The following JAKMIP3 variants were observed in gnomAD, a reference collection of about 807,000 sequenced individuals.
JAKMIP3 encodes the protein janus kinase and microtubule-interacting protein 3.
In JAKMIP3, 58 loss-of-function variants were observed where a neutral mutation model predicts 118.5. The observed-to-expected ratio is 0.49, with a 90% CI of 0.40 to 0.61. JAKMIP3 has a LOEUF of 0.61. Ranked by LOEUF, JAKMIP3 falls within the 20% of genes least tolerant of loss-of-function variation. The pLI is 0.00. For missense variants in JAKMIP3, 950 were observed against 1,109.0 expected (o/e 0.86, Z 2.04); for synonymous variants, 486 against 451.2 (o/e 1.08, Z -0.98).
At chr10:132,071,093 T>C (rs1228248538) in intron 1 of JAKMIP3, among the ~76,000 whole-genome samples, 1 of 152,176 alleles carries the variant, frequency 6.6e-6, no homozygotes, top group African/African-American at 2.4e-5. Context: ...TTCTTGTATT[T>C]TCATTCAGTT....
chr10:132,180,055 A>G (rs2814166), intron 23 of JAKMIP3, among the ~76,000 whole-genome samples: 135,450 of 152,220 alleles, frequency 0.89, 60,563 homozygotes, highest in East Asian at 1. Context: ...TGCGCCCCCC[A>G]CCCACTAACA....
chr10:132,149,146 G>A (rs929640109), intron 14 of JAKMIP3, among the ~76,000 whole-genome samples: 1 of 152,112 alleles, frequency 6.6e-6, no homozygotes, highest in Non-Finnish European at 1.5e-5. Flanking sequence ...GCTCAGGGTG[G>A]GACTGCCCAG....
chr10:132,150,117 C>CTGGCAGGGCCT, intron 16 of JAKMIP3, 76 bp downstream of exon 16: 1 of 1,205,118 alleles, frequency 8.3e-7, no homozygotes, highest in Non-Finnish European at 1.2e-6. Context: ...GTCCAGGAGG[C>CTGGCAGGGCCT]CCTGCCAGCC....
At chr10:132,047,902 C>T (rs2037973259) in intron 1 of JAKMIP3, among the ~76,000 whole-genome samples, 1 of 151,774 alleles carries the variant, frequency 6.6e-6, no homozygotes, top group African/African-American at 2.4e-5. Flanking sequence ...GCTGACGGTG[C>T]ATGGAGCTGG....
chr10:132,147,813 A>G (rs1276299380), intron 13 of JAKMIP3, 139 bp from the exon 14 acceptor site: 1 of 596,380 alleles, frequency 1.7e-6, no homozygotes, highest in South Asian at 2.0e-5. Flanking sequence ...GAGGGCTGTG[A>G]GGCGCTTCCA....
intron 23 of JAKMIP3, among the ~76,000 whole-genome samples, chr10:132,172,925 G>GCTTCCCGCCTTCCCTCTCTA (rs1255933106): frequency 6.7e-6 from 1 of 149,152 alleles, no homozygotes; most frequent in African/African-American, 2.5e-5. Context: ...ACACACCTGT[G>GCTTCCCGCCTTCCCTCTCTA]CTTCCCGCCT....
intron 1 of JAKMIP3, among the ~76,000 whole-genome samples, chr10:132,058,650 G>A (rs771961364): frequency 1.3e-5 from 2 of 152,214 alleles, no homozygotes; most frequent in Admixed American, 6.5e-5. Flanking sequence ...CTGGTTACAC[G>A]TGTGTGAGGA....
Position 132,149,116 on chromosome 10 carries a change from A to T in JAKMIP3, c.1849-296A>T, listed in dbSNP as rs532046933. 2.6e-5 allele frequency among the ~76,000 whole-genome samples: 4 copies of T among 152,084 alleles called. No homozygotes were observed. In the East Asian group the frequency reaches 7.8e-4, roughly 30 times the overall value. On this transcript the variant is annotated intron_variant, in intron 14 of 23. Transcript: ENST00000684848. Reference sequence around the variant, plus strand: ...ATCCTCCCCATAGCCCCTGGGATTCACTGAGGGATGTGCCCGTGGGCTCAG... The same window carrying T: ...ATCCTCCCCATAGCCCCTGGGATTCTCTGAGGGATGTGCCCGTGGGCTCAG...
At chr10:132,078,620 G>T (rs1427038564) in intron 1 of JAKMIP3, among the ~76,000 whole-genome samples, 1 of 5,794 alleles carries the variant, frequency 1.7e-4, no homozygotes, top group Non-Finnish European at 2.3e-4. Context: ...CTCTGGGGGC[G>T]GGGGGGGGGG....
rs578214779 is a variant in JAKMIP3 at position 132,070,887 on chromosome 10, T to C, written c.-138+4826T>C. Among the ~76,000 whole-genome samples, 14 of 152,336 alleles carry C rather than the reference T, an allele frequency of 9.2e-5. No homozygotes were observed. In the South Asian group the frequency reaches 2.9e-3, roughly 32 times the overall value. ...GCGCTGGGCTTGCAGCTCCCATCCA[T>C]GCAGAAGGATCTCTATTATTTCTAT... On this transcript the variant is annotated intron_variant, in intron 1 of 23. Coordinates refer to ENST00000684848, the MANE Select transcript of JAKMIP3 (RefSeq NM_001323087.2).
In JAKMIP3 at chr10:132,111,035, C is replaced by G. The variant is rs115299628; in HGVS notation, c.136-6042C>G. On this transcript the variant is annotated intron_variant, in intron 2 of 23. Transcript: ENST00000684848. ...CGCCCTCCTGCAGGCTGAGCCCCAA[C>G]TCTTGGAACTGTACCCTGGATGAGG... 2.1e-3 allele frequency among the ~76,000 whole-genome samples: 321 copies of G among 152,374 alleles called. 1 individual carries two copies. Among genetic ancestry groups the G allele is most frequent in the African/African-American group, 7.5e-3 (311 of 41,594 alleles).
At chr10:132,136,165 C>T (rs2051724594) in intron 6 of JAKMIP3, 89 bp downstream of exon 6, 3 of 1,423,362 alleles carry the variant, frequency 2.1e-6, no homozygotes, top group Non-Finnish European at 2.9e-6. Context: ...TTTAGCATGA[C>T]AGCCGGTCCC....
intron 10 of JAKMIP3, 123 bp downstream of exon 10, chr10:132,140,702 G>A (rs1564951615): frequency 1.4e-6 from 2 of 1,463,950 alleles, no homozygotes; most frequent in East Asian, 2.5e-5. Context: ...CTGGGCATGG[G>A]CTGCCGGCTT....
intron 2 of JAKMIP3, among the ~76,000 whole-genome samples, chr10:132,113,690 C>T (rs1370920705): frequency 1.3e-5 from 2 of 152,208 alleles, no homozygotes; most frequent in African/African-American, 2.4e-5. Context: ...GTCATGGAGA[C>T]ACTTTCCTAT....
chr10:132,128,728 T>C (rs2050063070), intron 3 of JAKMIP3, among the ~76,000 whole-genome samples: 2 of 55,990 alleles, frequency 3.6e-5, no homozygotes, highest in East Asian at 0.014. Flanking sequence ...AGGATTTGAG[T>C]GCCTACTTCT....
At chr10:132,180,952 G>A (rs542818276) in intron 23 of JAKMIP3, among the ~76,000 whole-genome samples, 1 of 152,192 alleles carries the variant, frequency 6.6e-6, no homozygotes, top group Admixed American at 6.5e-5. Context: ...CACATGTACA[G>A]TGCATTTGTG....
intron 2 of JAKMIP3, among the ~76,000 whole-genome samples, chr10:132,105,239 G>A (rs962323080): frequency 2.6e-5 from 4 of 152,252 alleles, no homozygotes; most frequent in African/African-American, 9.6e-5. Flanking sequence ...CTTGGGGTCT[G>A]TGTCCAGTGG....
At chr10:132,131,913 G>A (rs927109339) in intron 3 of JAKMIP3, among the ~76,000 whole-genome samples, 1 of 152,144 alleles carries the variant, frequency 6.6e-6, no homozygotes, top group East Asian at 1.9e-4. Flanking sequence ...GGAAGCCCCC[G>A]AATCCTGCCC....
At position 132,179,665 on chromosome 10, in the gene JAKMIP3, G is replaced by A. The variant is rs749796805; in HGVS notation, c.*1104-2692G>A. On this transcript the variant is annotated intron_variant, in intron 23 of 23. Coordinates refer to ENST00000684848, the MANE Select transcript of JAKMIP3 (RefSeq NM_001323087.2). This position sits in a 1 kb window ranked among gnomAD's most constrained non-coding sequence, Gnocchi z 4.3. ...AGACCACCTGCATCTCTGGGGACTC[G>A]CTAGGATTCACAGGACTCAGCACAC... is the stretch of plus-strand genomic sequence containing the variant. Among the ~76,000 whole-genome samples the A allele has an allele frequency of 4.6e-5, 7 of 151,818 alleles. No homozygotes were observed. The highest frequency in any genetic ancestry group is 9.7e-5 in the African/African-American group (4 of 41,340).
Sources: allele counts gnomAD v4.1 joint callset (sites outside exome capture counted in the v4.1 genomes callset), GRCh38; gene constraint gnomAD v4.1.1; non-coding constraint Gnocchi (gnomAD v3.1); transcripts MANE v1.5; gene names NCBI Gene and HGNC (gene_info 2026-07-23, HGNC 2026-07-21).